Variants in GMDS observed in about 807,000 individuals in gnomAD.
GMDS encodes the protein GDP-mannose 4,6 dehydratase.
Under a neutral mutation model 49.9 loss-of-function variants are expected in GMDS, and 20 were observed. The observed-to-expected ratio is 0.40, with a 90% CI of 0.28 to 0.58. The LOEUF (loss-of-function observed/expected upper bound fraction) is 0.58, where lower values mean the gene tolerates loss of function less well. Among genes scored for constraint, GMDS ranks in the 20% least tolerant of loss-of-function variants. The pLI is 0.42. For synonymous variants in GMDS, 177 were observed against 178.6 expected (o/e 0.99, Z 0.07); for missense variants, 362 against 481.4 (o/e 0.75, Z 2.32).
chr6:1,804,257 G>A (rs1352516726), intron 7 of GMDS, among the ~76,000 whole-genome samples: 1 of 152,224 alleles, frequency 6.6e-6, no homozygotes, highest in Non-Finnish European at 1.5e-5. Context: ...TGTGCAGTTT[G>A]CCAGTCCTCA....
chr6:2,171,960 G>A (rs759545305), intron 1 of GMDS, among the ~76,000 whole-genome samples: 2 of 152,160 alleles, frequency 1.3e-5, no homozygotes, highest in Admixed American at 6.5e-5. Flanking sequence ...AACAACTCAC[G>A]TGGCCGGCTA....
chr6:1,735,033 C>A (rs1401732056), intron 8 of GMDS, among the ~76,000 whole-genome samples: 1 of 152,220 alleles, frequency 6.6e-6, no homozygotes, highest in Non-Finnish European at 1.5e-5. Context: ...TTTATATTTA[C>A]CCAACTGGGG....
At chr6:1,918,164 T>G (rs1277387894) in intron 7 of GMDS, among the ~76,000 whole-genome samples, 1 of 152,030 alleles carries the variant, frequency 6.6e-6, no homozygotes, top group Admixed American at 6.6e-5. Flanking sequence ...AGAGAAGGGA[T>G]GGGAGAGTGT....
At chr6:1,772,945 G>C (rs1175116617) in intron 7 of GMDS, among the ~76,000 whole-genome samples, 1 of 152,170 alleles carries the variant, frequency 6.6e-6, no homozygotes, top group Non-Finnish European at 1.5e-5. Flanking sequence ...TCATTAGCTG[G>C]AACCAATATT....
intron 7 of GMDS, among the ~76,000 whole-genome samples, chr6:1,796,202 T>C (rs1002290759): frequency 1.3e-5 from 2 of 152,168 alleles, no homozygotes; most frequent in African/African-American, 4.8e-5. Flanking sequence ...CCCAGCCTCA[T>C]AGTTCCTCCT....
intron 1 of GMDS, among the ~76,000 whole-genome samples, chr6:2,210,861 G>A (rs1452369047): frequency 1.3e-5 from 2 of 152,188 alleles, no homozygotes; most frequent in African/African-American, 2.4e-5. Flanking sequence ...AGCACTGAGG[G>A]AGGGACCTGG....
At chr6:1,710,893 C>T (rs1250274294) in intron 9 of GMDS, among the ~76,000 whole-genome samples, 8 of 152,268 alleles carry the variant, frequency 5.3e-5, no homozygotes. Context: ...GGGTTGACTA[C>T]ATATCGTCAG....
chr6:1,791,261 A>C lies in GMDS; in HGVS notation c.772-48675T>G, dbSNP rs940995042. On this transcript the variant is annotated intron_variant, in intron 7 of 10. Coordinates refer to ENST00000380815, the MANE Select transcript of GMDS (RefSeq NM_001500.4). ...CTCAGTTTGCTTGGGCTGCCAATAC[A>C]AACTACCTTGTACTGGGCGCTTAAA... Among the ~76,000 whole-genome samples the C allele has an allele frequency of 3.4e-4, 51 of 152,180 alleles. 2 individuals are homozygous for C. Among genetic ancestry groups the C allele is most frequent in the Non-Finnish European group, 1.5e-4 (10 of 68,038 alleles).
At chr6:1,906,747 A>G (rs575004917) in intron 7 of GMDS, among the ~76,000 whole-genome samples, 50 of 152,252 alleles carry the variant, frequency 3.3e-4, no homozygotes, top group African/African-American at 1.2e-3. Context: ...GAGGGAGGAC[A>G]AGGAAAGGAG....
intron 7 of GMDS, among the ~76,000 whole-genome samples, chr6:1,926,740 G>A (rs1382442785): frequency 4.6e-5 from 7 of 152,150 alleles, no homozygotes; most frequent in African/African-American, 1.4e-4. Context: ...TTCTTAAAAC[G>A]GAGGGTACCA....
chr6:2,052,120 AAAAAAAAAAAG>A (rs1362379289), intron 4 of GMDS, among the ~76,000 whole-genome samples: 15 of 143,330 alleles, frequency 1.0e-4, no homozygotes, highest in Admixed American at 5.6e-4. Flanking sequence ...CTGTCTCAAA[AAAAAAAAAAAG>A]AAAAAAAAAA....
intron 7 of GMDS, among the ~76,000 whole-genome samples, chr6:1,882,430 A>C (rs1490355514): frequency 3.3e-5 from 5 of 152,240 alleles, no homozygotes; most frequent in African/African-American, 1.2e-4. Context: ...AATATGAATA[A>C]ATGGCTAGAA....
chr6:1,680,648 C>G lies in GMDS; in HGVS notation c.987+45768G>C, dbSNP rs1764758860. ...TTTGAGATCCTCGAGTTAAAGGGGCCCATAAAGGCAAAGTGTCATGAACGG... is the reference window on the plus strand; with the variant it reads ...TTTGAGATCCTCGAGTTAAAGGGGCGCATAAAGGCAAAGTGTCATGAACGG... On this transcript the variant is annotated intron_variant, in intron 9 of 10. Coordinates refer to ENST00000380815, the MANE Select transcript of GMDS (RefSeq NM_001500.4). Among the ~76,000 whole-genome samples the G allele has an allele frequency of 2.0e-5, 3 of 152,284 alleles. No homozygotes were observed. In the South Asian group the frequency reaches 6.2e-4, roughly 32 times the overall value.
chr6:1,960,678 G>T, intron 5 of GMDS, 96 bp downstream of exon 5: 1 of 754,700 alleles, frequency 1.3e-6, no homozygotes, highest in Non-Finnish European at 2.1e-6. Context: ...AATGACTTCA[G>T]CTGTGAGACA....
At chr6:1,862,297 T>C (rs933003917) in intron 7 of GMDS, among the ~76,000 whole-genome samples, 7 of 152,240 alleles carry the variant, frequency 4.6e-5, no homozygotes, top group East Asian at 1.9e-4. Flanking sequence ...TTTTGTTTAA[T>C]ATTTTAAACT....
At chr6:1,853,973 T>C (rs1757830797) in intron 7 of GMDS, among the ~76,000 whole-genome samples, 1 of 152,184 alleles carries the variant, frequency 6.6e-6, no homozygotes, top group African/African-American at 2.4e-5. Flanking sequence ...TGCCACTGTT[T>C]TCAGAACATG....
At chr6:1,884,261 C>T (rs763847811) in intron 7 of GMDS, among the ~76,000 whole-genome samples, 8 of 152,166 alleles carry the variant, frequency 5.3e-5, no homozygotes, top group Non-Finnish European at 1.0e-4. Flanking sequence ...TATCCAAAGA[C>T]CAAAACACTG....
At chr6:1,811,850 A>G (rs1379091729) in intron 7 of GMDS, among the ~76,000 whole-genome samples, 5 of 152,204 alleles carry the variant, frequency 3.3e-5, no homozygotes, top group Admixed American at 2.0e-4. Flanking sequence ...CTCTTGGGCT[A>G]TCTAACACAA....
intron 1 of GMDS, among the ~76,000 whole-genome samples, chr6:2,165,947 T>C (rs984294172): frequency 1.3e-5 from 2 of 150,060 alleles, no homozygotes; most frequent in African/African-American, 5.0e-5. Flanking sequence ...AAAATAAAGA[T>C]AAAAAAAAGA....
Sources: gnomAD v4.1 joint callset for allele counts (sites outside exome capture counted in the v4.1 genomes callset) on GRCh38, gnomAD v4.1.1 for gene constraint, MANE v1.5 for transcripts, NCBI Gene and HGNC (gene_info 2026-07-23, HGNC 2026-07-21) for gene names.